The following TENM2 variants were observed in gnomAD, a reference collection of about 807,000 sequenced individuals.
TENM2 encodes the protein teneurin-2.
TENM2 carries 52 observed loss-of-function variants against 245.2 expected under a neutral mutation model. That is an observed-to-expected ratio of 0.21 (90% CI 0.17 to 0.27). TENM2 has a LOEUF of 0.27. TENM2 is among the 10% of genes least tolerant of loss of function. The probability of loss-of-function intolerance (pLI) is 1.00; values close to 1 mark genes in which losing one functional copy is unlikely to be tolerated. For missense variants in TENM2, 3,046 were observed against 3,666.8 expected (o/e 0.83, Z 4.37); for synonymous variants, 1,363 against 1,438.9 (o/e 0.95, Z 1.19).
At chr5:167,306,068 T>C (rs1305969871) in intron 1 of TENM2, among the ~76,000 whole-genome samples, 1 of 152,180 alleles carries the variant, frequency 6.6e-6, no homozygotes. Flanking sequence ...CCAGGGTTGC[T>C]TAAGGGGAAC....
intron 2 of TENM2, among the ~76,000 whole-genome samples, chr5:167,856,669 T>A (rs769892877): frequency 4.6e-5 from 7 of 152,224 alleles, no homozygotes; most frequent in African/African-American, 7.2e-5. Flanking sequence ...TTTTGAGACA[T>A]AAATAATCTT....
chr5:167,282,293 A>G (rs1246688646), upstream of TENM2, among the ~76,000 whole-genome samples: 3 of 152,158 alleles, frequency 2.0e-5, no homozygotes, highest in Non-Finnish European at 2.9e-5. Flanking sequence ...ACACAGTCTT[A>G]TATTCTTTCA....
At chr5:166,999,715 C>G in the TENM2 span, among the ~76,000 whole-genome samples, 4 of 152,056 alleles carry the variant, frequency 2.6e-5, no homozygotes, top group Non-Finnish European at 5.9e-5. Context: ...CAGAACAAAA[C>G]AAGTTTTCGA....
chr5:167,773,855 C>T (rs1402998869), intron 2 of TENM2, among the ~76,000 whole-genome samples: 3 of 151,962 alleles, frequency 2.0e-5, no homozygotes, highest in African/African-American at 4.8e-5. Flanking sequence ...GATGTTGTGG[C>T]GGCCATATTT....
At chr5:167,029,006 G>A in the TENM2 span, among the ~76,000 whole-genome samples, 37 of 152,120 alleles carry the variant, frequency 2.4e-4, no homozygotes, top group Admixed American at 7.8e-4. Flanking sequence ...TTCTAATACC[G>A]TTGAAGCTCT....
At chr5:167,538,360 C>T (rs567470255) in intron 2 of TENM2, among the ~76,000 whole-genome samples, 14 of 152,222 alleles carry the variant, frequency 9.2e-5, no homozygotes, top group Non-Finnish European at 2.1e-4. Flanking sequence ...TAAATAGGCT[C>T]ATCTGAGCAA....
chr5:167,176,943 A>T, the TENM2 span, among the ~76,000 whole-genome samples: 1 of 152,192 alleles, frequency 6.6e-6, no homozygotes, highest in Non-Finnish European at 1.5e-5. Flanking sequence ...AGGTACATTG[A>T]CCTGAGAATT....
At chr5:167,786,661 A>T (rs1764597491) in intron 2 of TENM2, among the ~76,000 whole-genome samples, 1 of 152,226 alleles carries the variant, frequency 6.6e-6, no homozygotes, top group Non-Finnish European at 1.5e-5. Context: ...TAAGGAGAAA[A>T]GATTGAGACC....
At chr5:168,034,099 A>G in intron 5 of TENM2, among the ~76,000 whole-genome samples, 1 of 136,216 alleles carries the variant, frequency 7.3e-6, no homozygotes, top group East Asian at 2.0e-4. Flanking sequence ...ATGTGTATAT[A>G]TATATGTATA....
At chr5:167,275,005 CATATAA>C in the TENM2 span, among the ~76,000 whole-genome samples, 2 of 151,818 alleles carry the variant, frequency 1.3e-5, no homozygotes, top group African/African-American at 4.8e-5. Context: ...AATATATATA[CATATAA>C]ATATATATAC....
the TENM2 span, among the ~76,000 whole-genome samples, chr5:167,216,241 A>G: frequency 1.3e-5 from 2 of 152,172 alleles, no homozygotes; most frequent in Non-Finnish European, 2.9e-5. Flanking sequence ...CACCTACTCT[A>G]TGGGAGGGAA....
chr5:168,120,824 G>GA (rs1464062512), intron 10 of TENM2, among the ~76,000 whole-genome samples: 1 of 152,162 alleles, frequency 6.6e-6, no homozygotes, highest in Non-Finnish European at 1.5e-5. Context: ...CAATTTACCT[G>GA]AAATGGCCAT....
chr5:168,154,680 T>C (rs1756994813), intron 12 of TENM2, among the ~76,000 whole-genome samples: 1 of 152,152 alleles, frequency 6.6e-6, no homozygotes, highest in African/African-American at 2.4e-5. Context: ...CCAGAAAACA[T>C]GCAGCCTAGA....
chr5:168,015,255 T>G (rs916904559), intron 5 of TENM2, among the ~76,000 whole-genome samples: 1 of 152,154 alleles, frequency 6.6e-6, no homozygotes, highest in Non-Finnish European at 1.5e-5. Context: ...AAAAAGCAAA[T>G]CATGCTTTAT....
At chr5:168,049,199 C>T (rs1788867934) in intron 6 of TENM2, among the ~76,000 whole-genome samples, 1 of 152,138 alleles carries the variant, frequency 6.6e-6, no homozygotes, top group East Asian at 1.9e-4. Context: ...TGCTGTTAAA[C>T]AACCTATAAT....
intron 25 of TENM2, among the ~76,000 whole-genome samples, chr5:168,243,786 C>T (rs1766309028): frequency 6.6e-6 from 1 of 152,162 alleles, no homozygotes; most frequent in African/African-American, 2.4e-5. Context: ...TTCCACGATC[C>T]TATGGCACCC....
chr5:167,208,312 TACTTTA>T, the TENM2 span, among the ~76,000 whole-genome samples: 1 of 152,322 alleles, frequency 6.6e-6, no homozygotes, highest in Admixed American at 6.5e-5. Context: ...TAAACCTACA[TACTTTA>T]ATGTCTATTT....
At chr5:167,035,250 C>T in the TENM2 span, among the ~76,000 whole-genome samples, 1 of 151,962 alleles carries the variant, frequency 6.6e-6, no homozygotes, top group African/African-American at 2.4e-5. Flanking sequence ...AAACTGGAAG[C>T]AACCACATGG....
At chr5:167,272,089 CTG>C in the TENM2 span, among the ~76,000 whole-genome samples, 1 of 152,130 alleles carries the variant, frequency 6.6e-6, no homozygotes, top group Non-Finnish European at 1.5e-5. Flanking sequence ...AGTTTTCACA[CTG>C]TGTCCATCAG....
Sources: gnomAD v4.1 joint callset for allele counts (sites outside exome capture counted in the v4.1 genomes callset) on GRCh38, gnomAD v4.1.1 for gene constraint, MANE v1.5 for transcripts, NCBI Gene and HGNC (gene_info 2026-07-23, HGNC 2026-07-21) for gene names.